CTTNBP2NL: variants seen among roughly 807,000 people sequenced by gnomAD.
CTTNBP2NL encodes the protein CTTNBP2 N-terminal like, also known as CTTNBP2 N-terminal-like protein.
Under a neutral mutation model 32.5 loss-of-function variants are expected in CTTNBP2NL, and 16 were observed. The ratio of observed to expected loss-of-function variants is 0.49; its 90% CI spans 0.33 to 0.75. CTTNBP2NL has a LOEUF of 0.75. Ranked by LOEUF, CTTNBP2NL falls within the 30% of genes least tolerant of loss-of-function variation. CTTNBP2NL has a pLI of 0.02. For synonymous variants in CTTNBP2NL, 298 were observed against 289.4 expected (o/e 1.03, Z -0.30); for missense variants, 645 against 756.0 (o/e 0.85, Z 1.72).
At chr1:112,444,104 G>T (rs1054880549) in intron 3 of CTTNBP2NL, among the ~76,000 whole-genome samples, 1 of 152,144 alleles carries the variant, frequency 6.6e-6, no homozygotes, top group Non-Finnish European at 1.5e-5. Flanking sequence ...CTTCAGAATT[G>T]TCTCTTTAGT....
intron 1 of CTTNBP2NL, among the ~76,000 whole-genome samples, chr1:112,403,469 G>A (rs968228261): frequency 1.3e-5 from 2 of 152,206 alleles, no homozygotes; most frequent in African/African-American, 2.4e-5. Context: ...TTGTTCAGAT[G>A]AGTTCAGAGT....
At chr1:112,425,957 G>A (rs1190614192) in intron 3 of CTTNBP2NL, among the ~76,000 whole-genome samples, 6 of 15,738 alleles carry the variant, frequency 3.8e-4, no homozygotes, top group South Asian at 2.8e-3. Context: ...TCTGGATGCC[G>A]TGTGTGTGTG....
intron 3 of CTTNBP2NL, among the ~76,000 whole-genome samples, chr1:112,431,131 A>G (rs1207873490): frequency 6.6e-6 from 1 of 152,242 alleles, no homozygotes; most frequent in African/African-American, 2.4e-5. Context: ...GAGAACATAC[A>G]GTTTTCCAGC....
intron 1 of CTTNBP2NL, among the ~76,000 whole-genome samples, chr1:112,407,984 A>G (rs999328203): frequency 6.6e-6 from 1 of 150,990 alleles, no homozygotes; most frequent in Non-Finnish European, 1.5e-5. Context: ...AGCTGGGACT[A>G]CAGGCACACA....
intron 3 of CTTNBP2NL, among the ~76,000 whole-genome samples, chr1:112,435,446 G>A (rs1649703706): frequency 6.6e-6 from 1 of 152,146 alleles, no homozygotes; most frequent in East Asian, 1.9e-4. Flanking sequence ...ACAGGAGAAT[G>A]ATTTCAGGCC....
intron 3 of CTTNBP2NL, among the ~76,000 whole-genome samples, chr1:112,446,681 G>T (rs1006909311): frequency 2.6e-5 from 4 of 152,160 alleles, no homozygotes; most frequent in Admixed American, 6.5e-5. Context: ...CTCCCAAGTA[G>T]CTGGGGCTAC....
At chr1:112,407,905 C>T (rs757571846) in intron 1 of CTTNBP2NL, among the ~76,000 whole-genome samples, 13 of 124,670 alleles carry the variant, frequency 1.0e-4, no homozygotes, top group Non-Finnish European at 1.6e-4. Context: ...AGTGCAGTGA[C>T]GTAATCTTGC....
At chr1:112,427,391 C>T (rs575434796) in intron 3 of CTTNBP2NL, among the ~76,000 whole-genome samples, 137 of 152,288 alleles carry the variant, frequency 9.0e-4, no homozygotes, top group Non-Finnish European at 1.0e-4. Context: ...AGTATTGCTT[C>T]TCCGTTTTAC....
At chr1:112,418,101 T>C (rs1334964212) in intron 3 of CTTNBP2NL, among the ~76,000 whole-genome samples, 1 of 152,220 alleles carries the variant, frequency 6.6e-6, no homozygotes, top group African/African-American at 2.4e-5. Context: ...ATTTTCTCCC[T>C]AGCTTCAAAA....
At chr1:112,426,496 A>T (rs1372603440) in intron 3 of CTTNBP2NL, among the ~76,000 whole-genome samples, 1 of 152,070 alleles carries the variant, frequency 6.6e-6, no homozygotes, top group African/African-American at 2.4e-5. Context: ...GTTGAAGACC[A>T]GCTTGGGCAA....
At chr1:112,423,974 C>CA (rs1649314959) in intron 3 of CTTNBP2NL, among the ~76,000 whole-genome samples, 1 of 152,224 alleles carries the variant, frequency 6.6e-6, no homozygotes, top group South Asian at 2.1e-4. Context: ...CCACTCGCCT[C>CA]AGCCTCCCAA....
At chr1:112,449,753 T>TGTGTGTG (rs58369949) in intron 4 of CTTNBP2NL, among the ~76,000 whole-genome samples, 1,026 of 25,426 alleles carry the variant, frequency 0.04, 10 homozygotes, top group African/African-American at 0.046. Context: ...TGTGTGTGTG[T>TGTGTGTG]TTTCCATATT....
chr1:112,430,746 A>G (rs1399323467), intron 3 of CTTNBP2NL, among the ~76,000 whole-genome samples: 1 of 150,782 alleles, frequency 6.6e-6, no homozygotes, highest in Non-Finnish European at 1.5e-5. Context: ...AGTAGAGACT[A>G]AAATACATGT....
Position 112,454,446 on chromosome 1 carries a change from A to C in CTTNBP2NL, c.331-3A>C. 4 of 1,608,946 alleles carry C rather than the reference A, an allele frequency of 2.5e-6. No individual in the cohort carries two copies. Among genetic ancestry groups the C allele is most frequent in the Non-Finnish European group, 3.4e-6 (4 of 1,176,832 alleles). ...AAAATGAAATTTAAAAAATTCTTTAAAGGTGATCCTAGACCTTGAGGAAGA... is the reference window on the plus strand; with the variant it reads ...AAAATGAAATTTAAAAAATTCTTTACAGGTGATCCTAGACCTTGAGGAAGA... On this transcript the variant is annotated splice_region_variant and splice_polypyrimidine_tract_variant and intron_variant, in intron 4 of 5. Transcript: ENST00000271277.
intron 3 of CTTNBP2NL, among the ~76,000 whole-genome samples, chr1:112,432,539 T>C (rs1649598915): frequency 6.6e-6 from 1 of 152,114 alleles, no homozygotes; most frequent in South Asian, 2.1e-4. Flanking sequence ...TCTAGAGATT[T>C]TTTTCATCCA....
chr1:112,456,773 T>G lies in CTTNBP2NL; in HGVS notation c.1281T>G (p.Pro427=). Residue 427 remains proline, a synonymous_variant, in exon 6 of 6, where the codon CCT becomes CCG. Transcript: ENST00000271277. ...CCTCCTCCTCTCTAACATCCTCTCC[T>G]TGCTCTTCGCCGGTACTCACTAAGC... is the stretch of plus-strand genomic sequence containing the variant. ...STASSSLTSS[P]CSSPVLTKRL... The G allele has an allele frequency of 6.2e-7, 1 of 1,614,056 alleles. No homozygotes were observed. Among genetic ancestry groups the G allele is most frequent in the Non-Finnish European group, 8.5e-7 (1 of 1,180,028 alleles).
chr1:112,451,880 G>T (rs892171798), intron 4 of CTTNBP2NL, among the ~76,000 whole-genome samples: 2 of 151,944 alleles, frequency 1.3e-5, no homozygotes, highest in Non-Finnish European at 2.9e-5. Context: ...CCACCTCCAG[G>T]TTCCATCTCT....
chr1:112,427,756 C>T (rs1207291118), intron 3 of CTTNBP2NL, among the ~76,000 whole-genome samples: 1 of 152,042 alleles, frequency 6.6e-6, no homozygotes, highest in Non-Finnish European at 1.5e-5. Context: ...ATTAGCCAGA[C>T]ATGGTGGCAT....
At chr1:112,397,344 GA>G (rs1229586135) in intron 1 of CTTNBP2NL, among the ~76,000 whole-genome samples, 1 of 152,156 alleles carries the variant, frequency 6.6e-6, no homozygotes, top group Non-Finnish European at 1.5e-5. Flanking sequence ...AGTGTTTGAA[GA>G]AAATTCAGGG....
Sources: gnomAD v4.1 joint callset for allele counts (sites outside exome capture counted in the v4.1 genomes callset) on GRCh38, gnomAD v4.1.1 for gene constraint, MANE v1.5 for transcripts, NCBI Gene and HGNC (gene_info 2026-07-23, HGNC 2026-07-21) for gene names.